Variants in BZW2 observed in about 807,000 individuals in gnomAD.
BZW2 encodes eIF5-mimic protein 1.
Under a neutral mutation model 53.2 loss-of-function variants are expected in BZW2, and 23 were observed. That is an observed-to-expected ratio of 0.43 (90% CI 0.31 to 0.61). The LOEUF (loss-of-function observed/expected upper bound fraction) is 0.61. BZW2 is among the 20% of genes least tolerant of loss of function. The pLI, the probability that BZW2 is intolerant of heterozygous loss-of-function variation, is 0.09. For synonymous variants in BZW2, 227 were observed against 186.4 expected, an observed-to-expected ratio of 1.22 and a Z score of -1.77; for missense variants, 409 against 503.1, an observed-to-expected ratio of 0.81 and a Z score of 1.79.
intron 1 of BZW2, among the ~76,000 whole-genome samples, chr7:16,664,472 A>C (rs1782360003): frequency 6.6e-6 from 1 of 152,206 alleles, no homozygotes; most frequent in South Asian, 2.1e-4. Context: ...CCTGAAAGAG[A>C]GGCAGGAACA....
At chr7:16,679,488 A>C (rs1260284969) in intron 3 of BZW2, among the ~76,000 whole-genome samples, 2 of 152,226 alleles carry the variant, frequency 1.3e-5, no homozygotes, top group Non-Finnish European at 2.9e-5. Context: ...ACTTCTCCAA[A>C]AACTAATTTA....
chr7:16,672,694 C>T (rs573345058), intron 2 of BZW2, among the ~76,000 whole-genome samples: 1 of 152,284 alleles, frequency 6.6e-6, no homozygotes, highest in South Asian at 2.1e-4. Flanking sequence ...TCATTCTTTT[C>T]CACCAAATCT....
At chr7:16,658,102 G>A (rs1284774701) in intron 1 of BZW2, among the ~76,000 whole-genome samples, 1 of 152,146 alleles carries the variant, frequency 6.6e-6, no homozygotes, top group Non-Finnish European at 1.5e-5. Flanking sequence ...GCTAGCCCTT[G>A]GGGGAAGGGC....
chr7:16,706,070 G>A lies in BZW2; in HGVS notation c.1242G>A (p.Ser414=), dbSNP rs115004074. The A allele has an allele frequency of 1.2e-3, 1,998 of 1,613,470 alleles. 16 individuals are homozygous for A. The African/African-American group carries it at 0.021, about 17-fold the overall frequency. ...TTTCTTCTCTCCTAGAATCCGAATC[G>A]GAAGGTGAGGAAAATTAAATGGCTC... ...WLQNAEEESE[S]EGEEN The change falls in exon 12 of 12, where the codon TCG becomes TCA. Residue 414 remains serine (S), a synonymous_variant. Transcript: ENST00000258761.
intron 1 of BZW2, among the ~76,000 whole-genome samples, chr7:16,655,564 T>C (rs1339697608): frequency 1.3e-5 from 2 of 152,168 alleles, no homozygotes; most frequent in Non-Finnish European, 2.9e-5. Flanking sequence ...TTGTAGTATA[T>C]GATACATTAT....
intron 3 of BZW2, among the ~76,000 whole-genome samples, chr7:16,676,881 A>G (rs1030327559): frequency 2.0e-5 from 3 of 152,000 alleles, no homozygotes; most frequent in African/African-American, 7.3e-5. Flanking sequence ...TTCTTCCCTT[A>G]CACGAGACCA....
At chr7:16,659,491 T>C (rs981141926) in intron 1 of BZW2, among the ~76,000 whole-genome samples, 8 of 152,198 alleles carry the variant, frequency 5.3e-5, no homozygotes, top group African/African-American at 1.7e-4. Flanking sequence ...TATTTTTTGT[T>C]TCTTTGGAGA....
intron 2 of BZW2, among the ~76,000 whole-genome samples, 193 bp downstream of exon 2, chr7:16,665,694 C>T (rs371445642): frequency 6.6e-6 from 1 of 152,150 alleles, no homozygotes; most frequent in African/African-American, 2.4e-5. Flanking sequence ...TTTAATTTGC[C>T]TGTGCTACTT....
intron 6 of BZW2, 172 bp downstream of exon 6, chr7:16,686,212 T>A: frequency 9.6e-7 from 1 of 1,040,126 alleles, no homozygotes; most frequent in South Asian, 1.6e-5. Context: ...AGGAGTGGAC[T>A]TGTTAATTGT....
intron 3 of BZW2, among the ~76,000 whole-genome samples, chr7:16,675,652 TC>T (rs1449740026): frequency 6.6e-6 from 1 of 152,240 alleles, no homozygotes; most frequent in Non-Finnish European, 1.5e-5. Flanking sequence ...GTTTTGTTGT[TC>T]TTATTGTTTA....
At chr7:16,705,799 T>G (rs1783836224) in intron 11 of BZW2, among the ~76,000 whole-genome samples, 2 of 150,162 alleles carry the variant, frequency 1.3e-5, no homozygotes, top group African/African-American at 4.9e-5. Context: ...TGTATAAATT[T>G]AATATATATA....
At chr7:16,665,178 C>T (rs576883217) in intron 1 of BZW2, among the ~76,000 whole-genome samples, 77 of 151,982 alleles carry the variant, frequency 5.1e-4, no homozygotes, top group African/African-American at 1.8e-3. Context: ...TGGTGGCTCA[C>T]GCTTGTAGTC....
intron 3 of BZW2, among the ~76,000 whole-genome samples, chr7:16,676,319 C>T (rs1251622549): frequency 6.6e-6 from 1 of 152,118 alleles, no homozygotes; most frequent in East Asian, 1.9e-4. Context: ...GAAGCCAAGG[C>T]AGGCAGATCA....
intron 7 of BZW2, 115 bp from the exon 8 acceptor site, chr7:16,694,719 C>A: frequency 1.1e-6 from 1 of 884,136 alleles, no homozygotes; most frequent in Non-Finnish European, 1.6e-6. Flanking sequence ...GTAAAACAGT[C>A]TTTATTCTTT....
At chr7:16,695,566 A>G (rs2128367886) in intron 8 of BZW2, among the ~76,000 whole-genome samples, 1 of 152,352 alleles carries the variant, frequency 6.6e-6, no homozygotes, top group African/African-American at 2.4e-5. Flanking sequence ...TATAATACGC[A>G]TATACATAGT....
Position 16,652,264 on chromosome 7 carries a change from C to T in BZW2, c.-8+5976C>T, listed in dbSNP as rs145585868. 2.4e-3 allele frequency among the ~76,000 whole-genome samples: 358 copies of T among 152,222 alleles called. 6 individuals carry two copies. The Middle Eastern group carries it at 0.024, about 10-fold the overall frequency. ...TTGTAAGTTACAAAGTAAAAAAACA[C>T]GCACTTAATTATTAAAACGTTAATA... is the stretch of plus-strand genomic sequence containing the variant. On this transcript the variant is annotated intron_variant, in intron 1 of 11. Transcript: ENST00000258761.
At chr7:16,680,398 A>T (rs1373161666) in intron 3 of BZW2, among the ~76,000 whole-genome samples, 3 of 152,238 alleles carry the variant, frequency 2.0e-5, no homozygotes, top group Non-Finnish European at 2.9e-5. Flanking sequence ...TACTTTGGAA[A>T]GAACCAGACT....
intron 3 of BZW2, among the ~76,000 whole-genome samples, chr7:16,680,460 A>C (rs1782908683): frequency 6.6e-6 from 1 of 152,184 alleles, no homozygotes; most frequent in Non-Finnish European, 1.5e-5. Flanking sequence ...AATGAAGTAC[A>C]CTATGGTGGG....
chr7:16,650,021 T>A (rs1005083778), intron 1 of BZW2, among the ~76,000 whole-genome samples: 16 of 152,130 alleles, frequency 1.1e-4, no homozygotes, highest in African/African-American at 2.7e-4. Context: ...CTTTTTTTTT[T>A]AAACACAACA....
Sources: gnomAD v4.1 joint callset for allele counts (sites outside exome capture counted in the v4.1 genomes callset) on GRCh38, gnomAD v4.1.1 for gene constraint, MANE v1.5 for transcripts, NCBI Gene and HGNC (gene_info 2026-07-23, HGNC 2026-07-21) for gene names.